CACNA2D1: variants seen among roughly 807,000 people sequenced by gnomAD.
CACNA2D1 encodes the protein voltage-dependent calcium channel subunit alpha-2/delta-1.
In CACNA2D1, 53 loss-of-function variants were observed where a neutral mutation model predicts 171.5. That is an observed-to-expected ratio of 0.31 (90% CI 0.25 to 0.39). The LOEUF is 0.39. Among genes scored for constraint, CACNA2D1 ranks in the 10% least tolerant of loss-of-function variants. The pLI is 1.00. For synonymous variants in CACNA2D1, 442 were observed against 443.1 expected (o/e 1.00, Z 0.03); for missense variants, 903 against 1,299.8 (o/e 0.69, Z 4.69).
rs367960608 is a variant in CACNA2D1, at chr7:81,950,516, T to TAA, written c.3160-10_3160-9dup. The stretch of plus-strand genomic sequence containing the variant: ...ACAGTCAGTATAATCCTCCTGTTGT[T>TAA]AAAAAAAAAAGAAAAGAACAGAAAA... On this transcript the variant is annotated splice_polypyrimidine_tract_variant and intron_variant, in intron 38 of 38. Coordinates refer to ENST00000356860, the MANE Select transcript of CACNA2D1 (RefSeq NM_000722.4). The TAA allele has an allele frequency of 5.7e-4, 827 of 1,453,054 alleles. No homozygotes were observed. The highest frequency in any genetic ancestry group is 6.9e-4 in the Non-Finnish European group (734 of 1,069,136). The allele number at this position is 1,453,054 out of a possible 1,614,324, so 90.0% of individuals were successfully genotyped here. A position where few individuals can be genotyped will look rare whatever the true frequency, so the allele number is the denominator to read the frequency against.
intron 3 of CACNA2D1, among the ~76,000 whole-genome samples, chr7:82,213,599 A>T (rs1211546903): frequency 6.6e-6 from 1 of 152,180 alleles, no homozygotes; most frequent in African/African-American, 2.4e-5. Flanking sequence ...CACCTAAAAT[A>T]CAAATTTGAT....
intron 3 of CACNA2D1, among the ~76,000 whole-genome samples, chr7:82,315,738 A>G (rs915285621): frequency 2.6e-4 from 40 of 152,352 alleles, no homozygotes; most frequent in Non-Finnish European, 1.3e-4. Context: ...TCAGAATTCT[A>G]GAAAAATAAA....
intron 12 of CACNA2D1, among the ~76,000 whole-genome samples, chr7:82,019,853 A>G (rs776522173): frequency 6.6e-5 from 10 of 152,168 alleles, no homozygotes; most frequent in African/African-American, 2.4e-4. Flanking sequence ...CAGCCTTCGA[A>G]TCATGTTAGA....
chr7:82,066,313 C>A, intron 8 of CACNA2D1, 142 bp downstream of exon 8: 1 of 1,120,390 alleles, frequency 8.9e-7, no homozygotes, highest in Non-Finnish European at 1.3e-6. Context: ...TTTACCTTTA[C>A]CTATATTTAC....
In CACNA2D1 at chr7:82,192,392, CAG is replaced by C. The variant is rs969549489; in HGVS notation, c.295-21785_295-21784del. On this transcript the variant is annotated intron_variant, in intron 3 of 38. Coordinates refer to ENST00000356860, the MANE Select transcript of CACNA2D1 (RefSeq NM_000722.4). ...CCCAAGTTATCTAGTTAACAAAAAA[CAG>C]GGGAAATATATATATATATATATAT... Among the ~76,000 whole-genome samples, 29 of 86,670 alleles carry C rather than the reference CAG, an allele frequency of 3.3e-4. No homozygotes were observed. The Middle Eastern group carries it at 0.014, about 43-fold the overall frequency. The allele number at this position is 86,670 out of a possible 152,430, so 56.9% of individuals were successfully genotyped here. A position where few individuals can be genotyped will look rare whatever the true frequency, so the allele number is the denominator to read the frequency against.
intron 1 of CACNA2D1, among the ~76,000 whole-genome samples, chr7:82,429,313 A>G (rs1462132866): frequency 6.6e-6 from 1 of 152,214 alleles, no homozygotes; most frequent in Admixed American, 6.5e-5. Flanking sequence ...CACACATCAT[A>G]TAAATATGTA....
intron 18 of CACNA2D1, among the ~76,000 whole-genome samples, chr7:82,002,476 C>T (rs143448294): frequency 2.5e-4 from 38 of 152,232 alleles, no homozygotes; most frequent in Admixed American, 9.2e-4. Flanking sequence ...AAAGTTTTAA[C>T]GTTTCATATT....
At position 82,181,041 on chromosome 7, in the gene CACNA2D1, A is replaced by ATTTTTTTTTTTTTTTT. The variant is rs71093367; in HGVS notation, c.295-10448_295-10433dup. 4.3e-3 allele frequency among the ~76,000 whole-genome samples: 60 copies of ATTTTTTTTTTTTTTTT among 13,958 alleles called. 25 individuals are homozygous for ATTTTTTTTTTTTTTTT. Among genetic ancestry groups the ATTTTTTTTTTTTTTTT allele is most frequent in the Non-Finnish European group, 6.9e-3 (46 of 6,624 alleles). 9.2% of individuals were successfully genotyped at this position (13,958 alleles called of 152,430 possible). ...GGTCAGCAGCTGTGGGGCATGTCGG[A>ATTTTTTTTTTTTTTTT]TTTTTTTTTTTTTTTTTTTTTTTTT... On this transcript the variant is annotated intron_variant, in intron 3 of 38. Transcript: ENST00000356860.
Position 82,268,137 on chromosome 7 carries a change from T to C in CACNA2D1, c.294+66998A>G, listed in dbSNP as rs148447312. Among the ~76,000 whole-genome samples the C allele has an allele frequency of 8.2e-3, 1,254 of 152,286 alleles. 12 individuals carry two copies. Among genetic ancestry groups the C allele is most frequent in the African/African-American group, 0.029 (1,200 of 41,540 alleles). On this transcript the variant is annotated intron_variant, in intron 3 of 38. Transcript: ENST00000356860. Reference sequence around the variant, plus strand: ...ATATTTTACATAGGCAGAAGAAAAATCTACGTTTGGCATAAAGTTGTTTTT... The same window carrying C: ...ATATTTTACATAGGCAGAAGAAAAACCTACGTTTGGCATAAAGTTGTTTTT...
chr7:82,400,716 A>C (rs928887189), intron 1 of CACNA2D1, among the ~76,000 whole-genome samples: 1 of 151,926 alleles, frequency 6.6e-6, no homozygotes, highest in Non-Finnish European at 1.5e-5. Flanking sequence ...GGATCTAATT[A>C]AACTAAAGAG....
At chr7:82,120,404 T>C (rs1789576259) in intron 5 of CACNA2D1, among the ~76,000 whole-genome samples, 1 of 152,226 alleles carries the variant, frequency 6.6e-6, no homozygotes, top group African/African-American at 2.4e-5. Flanking sequence ...TTTTAAAGTC[T>C]CGATTACTAT....
At chr7:82,317,600 C>T (rs146635092) in intron 3 of CACNA2D1, among the ~76,000 whole-genome samples, 1 of 152,272 alleles carries the variant, frequency 6.6e-6, no homozygotes, top group East Asian at 1.9e-4. Flanking sequence ...CTTGCTGCTT[C>T]TTAATATGCT....
At chr7:82,284,433 A>G (rs568789223) in intron 3 of CACNA2D1, among the ~76,000 whole-genome samples, 3 of 152,166 alleles carry the variant, frequency 2.0e-5, no homozygotes, top group Non-Finnish European at 4.4e-5. Flanking sequence ...GAGGGTTAAT[A>G]CAGTTGTCTT....
At chr7:81,963,376 A>C (rs1794365758) in intron 34 of CACNA2D1, among the ~76,000 whole-genome samples, 1 of 151,898 alleles carries the variant, frequency 6.6e-6, no homozygotes, top group Non-Finnish European at 1.5e-5. Flanking sequence ...ATTAGAAGGG[A>C]GAGAGGGAAG....
At chr7:82,279,116 C>T (rs143587284) in intron 3 of CACNA2D1, among the ~76,000 whole-genome samples, 331 of 152,226 alleles carry the variant, frequency 2.2e-3, no homozygotes, top group African/African-American at 7.7e-3. Flanking sequence ...ATTTTGCAGG[C>T]CAACTACATG....
chr7:82,044,629 C>T (rs1264421645), intron 10 of CACNA2D1, among the ~76,000 whole-genome samples: 1 of 152,000 alleles, frequency 6.6e-6, no homozygotes, highest in Non-Finnish European at 1.5e-5. Flanking sequence ...TAAAATTTTG[C>T]ATATTAGTAA....
intron 4 of CACNA2D1, among the ~76,000 whole-genome samples, chr7:82,170,288 T>C (rs868645547): frequency 2.9e-4 from 44 of 151,948 alleles, no homozygotes; most frequent in African/African-American, 1.0e-3. Context: ...GTACCTTTAA[T>C]TATGGGAGAA....
chr7:82,399,542 A>G (rs1826121540), intron 1 of CACNA2D1, among the ~76,000 whole-genome samples: 1 of 152,190 alleles, frequency 6.6e-6, no homozygotes, highest in South Asian at 2.1e-4. Flanking sequence ...TAACAATGAT[A>G]AAACAATGAT....
chr7:81,997,698 A>G (rs37113), intron 18 of CACNA2D1, among the ~76,000 whole-genome samples: 3,286 of 151,666 alleles, frequency 0.022, 121 homozygotes, highest in African/African-American at 0.074. Flanking sequence ...AAAATGTTTT[A>G]AAATTATGTC....
Sources: gnomAD v4.1 joint callset for allele counts (sites outside exome capture counted in the v4.1 genomes callset) on GRCh38, gnomAD v4.1.1 for gene constraint, MANE v1.5 for transcripts, NCBI Gene and HGNC (gene_info 2026-07-23, HGNC 2026-07-21) for gene names.